Variants in CNOT6 observed in about 807,000 individuals in gnomAD.
CNOT6 encodes the protein CCR4-NOT transcription complex subunit 6.
In CNOT6, 12 loss-of-function variants were observed where a neutral mutation model predicts 61.2. That is an observed-to-expected ratio of 0.20 (90% CI 0.13 to 0.32). The LOEUF is 0.32. Ranked by LOEUF, CNOT6 falls within the 10% of genes least tolerant of loss-of-function variation. The pLI is 1.00. For missense variants in CNOT6, 405 were observed against 663.9 expected (o/e 0.61, Z 4.28); for synonymous variants, 225 against 240.6 (o/e 0.94, Z 0.60).
chr5:180,500,441 CTT>C (rs35457190), intron 1 of CNOT6, among the ~76,000 whole-genome samples: 15 of 126,614 alleles, frequency 1.2e-4, no homozygotes, highest in Admixed American at 1.6e-4. Context: ...CTTTTCTTTT[CTT>C]TTTTTTTTTT....
chr5:180,565,524 A>G (rs1008180300), intron 6 of CNOT6, among the ~76,000 whole-genome samples: 3 of 152,234 alleles, frequency 2.0e-5, no homozygotes, highest in Admixed American at 2.0e-4. Flanking sequence ...TATAGAAATG[A>G]GGAATGTTAG....
At chr5:180,516,182 ATTT>A (rs11309577) in intron 1 of CNOT6, among the ~76,000 whole-genome samples, 11 of 137,930 alleles carry the variant, frequency 8.0e-5, no homozygotes, top group Non-Finnish European at 9.4e-5. Flanking sequence ...AAAATTCAGG[ATTT>A]TTTTTTTTTT....
At position 180,529,293 on chromosome 5, in the gene CNOT6, A is replaced by G. The variant is rs759938439; in HGVS notation, c.17A>G (p.Tyr6Cys). 5.0e-6 allele frequency: 8 copies of G among 1,611,470 alleles called. No individual in the cohort carries two copies. In the Admixed American group the frequency reaches 8.3e-5, roughly 17 times the overall value. MPKEK[Y>C]EPPDPRRMYT... ...TTAACAGGCATGCCCAAAGAAAAAT[A>G]CGAGCCCCCTGACCCTCGGAGGATG... Residue 6 changes from tyrosine (Y) to cysteine (C), a missense_variant, in exon 2 of 12, where the codon TAC becomes TGC. Physicochemically the swap from Tyr to Cys is radical, Grantham distance 194. Around this residue, in one of 5 missense-constraint regions of CNOT6, gnomAD observed 212 missense variants for 307.1 expected, o/e 0.69. Coordinates refer to ENST00000261951, the MANE Select transcript of CNOT6 (RefSeq NM_001370472.1).
In CNOT6 at chr5:180,574,261, G is replaced by A; in HGVS notation, c.*61G>A. On this transcript the variant is annotated 3_prime_UTR_variant, in exon 12 of 12. Transcript: ENST00000261951. Reference sequence around the variant, plus strand: ...TAAACTTGTGAAAATCTGAACATAGGGGAGTGAGGTATGGCCACTGAGGAT... The same window carrying A: ...TAAACTTGTGAAAATCTGAACATAGAGGAGTGAGGTATGGCCACTGAGGAT... 7.2e-7 allele frequency: 1 copy of A among 1,398,078 alleles called. No individual in the cohort carries two copies. 86.6% of individuals were successfully genotyped at this position (1,398,078 alleles called of 1,614,324 possible).
Position 180,503,625 on chromosome 5 carries a change from T to A in CNOT6, c.-3+8862T>A, listed in dbSNP as rs1434835064. Among the ~76,000 whole-genome samples the A allele has an allele frequency of 3.7e-5, 4 of 109,030 alleles. No individual in the cohort carries two copies. The East Asian group carries it at 1.1e-3, about 29-fold the overall frequency. 71.5% of individuals were successfully genotyped at this position (109,030 alleles called of 152,430 possible). On this transcript the variant is annotated intron_variant, in intron 1 of 11. Coordinates refer to ENST00000261951, the MANE Select transcript of CNOT6 (RefSeq NM_001370472.1). ...CCTTTTTTTTTTTTTTTTTTTTTTTTGAGAGAGTCTCAATCTGTCATCCAG... is the reference window on the plus strand; with the variant it reads ...CCTTTTTTTTTTTTTTTTTTTTTTTAGAGAGAGTCTCAATCTGTCATCCAG...
chr5:180,517,637 G>A (rs537968154), intron 1 of CNOT6, among the ~76,000 whole-genome samples: 2 of 151,790 alleles, frequency 1.3e-5, no homozygotes, highest in African/African-American at 2.4e-5. Flanking sequence ...TCTGCCTCCC[G>A]GGTTCAAGCG....
intron 1 of CNOT6, among the ~76,000 whole-genome samples, chr5:180,519,283 A>G (rs941211169): frequency 1.2e-4 from 19 of 152,220 alleles, no homozygotes; most frequent in Non-Finnish European, 2.2e-4. Flanking sequence ...GCAATTGTGC[A>G]AGCAGGTTAT....
At chr5:180,545,573 G>C (rs1581534415) in intron 2 of CNOT6, among the ~76,000 whole-genome samples, 1 of 151,960 alleles carries the variant, frequency 6.6e-6, no homozygotes, top group Non-Finnish European at 1.5e-5. Context: ...TTATTACTGA[G>C]TAGTAGTCCA....
chr5:180,505,043 C>T (rs1467854414), intron 1 of CNOT6, among the ~76,000 whole-genome samples: 1 of 143,826 alleles, frequency 7.0e-6, no homozygotes, highest in Non-Finnish European at 1.5e-5. Context: ...GCTGCAAGCT[C>T]TGCCTCCCAG....
In CNOT6 at chr5:180,561,405, T is replaced by C. The variant is rs1462547704; in HGVS notation, c.386-3084T>C. On this transcript the variant is annotated intron_variant, in intron 4 of 11. Transcript: ENST00000261951. The stretch of plus-strand genomic sequence containing the variant: ...GTGTGTGTGTGTGTTTTCAAGCATG[T>C]TTTTAATTTCTCATTGAAGCATTTT... Among the ~76,000 whole-genome samples, 6 of 149,676 alleles carry C rather than the reference T, an allele frequency of 4.0e-5. No individual in the cohort carries two copies. In the Admixed American group the frequency reaches 4.0e-4, roughly 10 times the overall value.
chr5:180,552,894 G>A (rs1759695426), intron 3 of CNOT6, among the ~76,000 whole-genome samples: 1 of 152,156 alleles, frequency 6.6e-6, no homozygotes, highest in Non-Finnish European at 1.5e-5. Context: ...TTATGCAGCT[G>A]TTACGAGCTC....
chr5:180,495,001 G>A (rs916658519), intron 1 of CNOT6, among the ~76,000 whole-genome samples: 4 of 152,058 alleles, frequency 2.6e-5, no homozygotes, highest in Non-Finnish European at 2.9e-5. Flanking sequence ...GACGGCGGCG[G>A]CGGCGGCGCG....
At chr5:180,524,640 A>T (rs984374236) in intron 1 of CNOT6, among the ~76,000 whole-genome samples, 1 of 152,212 alleles carries the variant, frequency 6.6e-6, no homozygotes, top group Admixed American at 6.5e-5. Context: ...TAGAATGACC[A>T]CAGGTACAGG....
At chr5:180,529,555 A>G (rs891545326) in intron 2 of CNOT6, among the ~76,000 whole-genome samples, 167 bp downstream of exon 2, 3 of 152,244 alleles carry the variant, frequency 2.0e-5, no homozygotes, top group Admixed American at 1.3e-4. Context: ...GGAAGGTTCA[A>G]TGAAAAGAAT....
chr5:180,559,950 A>ATTTTTTTTTTTTTTTTTTTTTTTATT (rs528723433), intron 4 of CNOT6, among the ~76,000 whole-genome samples: 1 of 141,566 alleles, frequency 7.1e-6, no homozygotes. Flanking sequence ...TAGTTTTATG[A>ATTTTTTTTTTTTTTTTTTTTTTTATT]TTTTTTTTTT....
At chr5:180,524,119 C>T in intron 1 of CNOT6, among the ~76,000 whole-genome samples, 1 of 152,120 alleles carries the variant, frequency 6.6e-6, no homozygotes, top group East Asian at 1.9e-4. Context: ...AAGATGTTAA[C>T]TAGTTAGGTG....
chr5:180,534,448 A>C (rs1459598263), intron 2 of CNOT6: 1 of 162,808 alleles, frequency 6.1e-6, no homozygotes, highest in African/African-American at 2.4e-5. Flanking sequence ...TGCAGATCAC[A>C]CACGTAGCTG....
At chr5:180,505,665 A>C (rs1231507869) in intron 1 of CNOT6, among the ~76,000 whole-genome samples, 1 of 149,938 alleles carries the variant, frequency 6.7e-6, no homozygotes. Flanking sequence ...CTCCTGCCTC[A>C]GCCTCCCGCG....
intron 4 of CNOT6, among the ~76,000 whole-genome samples, chr5:180,554,279 A>G (rs928772482): frequency 6.6e-6 from 1 of 152,184 alleles, no homozygotes; most frequent in Non-Finnish European, 1.5e-5. Flanking sequence ...TCAGCTTGGC[A>G]TGGTGGTTCC....
Sources: gnomAD v4.1 joint callset for allele counts (sites outside exome capture counted in the v4.1 genomes callset) on GRCh38, gnomAD v4.1.1 for gene constraint, gnomAD v4.1.1 regional missense constraint, MANE v1.5 for transcripts, NCBI Gene and HGNC (gene_info 2026-07-23, HGNC 2026-07-21) for gene names.